Variants in AMMECR1 observed in about 807,000 individuals in gnomAD.
AMMECR1 encodes the protein nuclear protein AMMECR1.
In AMMECR1, 3 loss-of-function variants were observed where a neutral mutation model predicts 22.5. The ratio of observed to expected loss-of-function variants is 0.13; its 90% confidence interval spans 0.06 to 0.35. The LOEUF (loss-of-function observed/expected upper bound fraction) is 0.35, where lower values mean the gene tolerates loss of function less well. AMMECR1 is among the 10% of genes least tolerant of loss of function. The probability of loss-of-function intolerance (pLI) is 1.00; values close to 1 mark genes in which losing one functional copy is unlikely to be tolerated. For missense variants in AMMECR1, 235 were observed against 278.7 expected (o/e 0.84, Z 1.12); for synonymous variants, 130 against 116.7 (o/e 1.11, Z -0.74).
chrX:110,237,802 T>C lies in AMMECR1; in HGVS notation c.585-21170A>G, dbSNP rs903405730. Among the ~76,000 whole-genome samples the C allele has an allele frequency of 1.6e-4, 18 of 111,999 alleles. 1 individual carries two copies. ...ATGCTTTCTGCAGACTTAACTTTCC[T>C]GGAAATAATTATCAATGATGGAAAA... On this transcript the variant is annotated intron_variant, in intron 2 of 5. Transcript: ENST00000262844.
Position 110,264,533 on chromosome X carries a change from A to C in AMMECR1, c.540T>G (p.Ser180=). 8.3e-7 allele frequency: 1 copy of C among 1,209,150 alleles called. No homozygotes were observed. Among genetic ancestry groups the C allele is most frequent in the East Asian group, 3.0e-5 (1 of 33,742 alleles). ...TGAGTCCTGAATGCAAATTCATGGC[A>C]GAAAAAGTACCTATGCATCCACGTA... ...KRLRGCIGTF[S]AMNLHSGLRE... The change falls in exon 2 of 6, where the codon TCT becomes TCG. Residue 180 remains serine (S), a synonymous_variant. Coordinates refer to ENST00000262844, the MANE Select transcript of AMMECR1 (RefSeq NM_015365.3).
chrX:110,304,415 C>G (rs2067983472), intron 1 of AMMECR1, among the ~76,000 whole-genome samples: 2 of 112,223 alleles, frequency 1.8e-5, no homozygotes, highest in Admixed American at 9.4e-5. Flanking sequence ...TATTTTTAAA[C>G]TACATAACTT....
upstream of AMMECR1, chrX:110,318,164 G>T: frequency 1.2e-6 from 1 of 840,570 alleles, no homozygotes; most frequent in Non-Finnish European, 1.5e-6. Flanking sequence ...GCCGCCGGGG[G>T]CGCGCCAGAG....
chrX:110,388,786 T>C (rs1008474609), intron 2 of AMMECR1, among the ~76,000 whole-genome samples: 1 of 111,702 alleles, frequency 9.0e-6, no homozygotes, highest in Non-Finnish European at 1.9e-5. Context: ...TAAGAACCAT[T>C]GCTCTGCCAA....
chrX:110,317,857 G>T lies in AMMECR1; in HGVS notation c.215C>A (p.Pro72His), dbSNP rs1391817245. ...GCCGCCGCCGCCGCAGCCCTGGGGG[G>T]GAGAGAGGGTACAGCCGCTGCCGCT... ...GGSGSGCTLS[P>H]PQGCGGGGGG... Residue 72 changes from proline (P) to histidine (H), a missense_variant, in exon 1 of 6, where the codon CCC (proline) becomes CAC (histidine). By Grantham distance (77) the Pro-to-His change is moderately conservative. Around this residue, in one of 2 missense-constraint regions of AMMECR1, gnomAD observed 124 missense variants for 97.0 expected, o/e 1.28. Transcript: ENST00000262844. 7 of 1,176,830 alleles carry T rather than the reference G, an allele frequency of 5.9e-6. No individual in the cohort carries two copies. The highest frequency in any genetic ancestry group is 8.0e-6 in the Non-Finnish European group (7 of 877,899).
chrX:110,416,484 G>A (rs971413581), intron 2 of AMMECR1, among the ~76,000 whole-genome samples: 5 of 111,268 alleles, frequency 4.5e-5, no homozygotes, highest in Admixed American at 1.9e-4. Context: ...GCACAGGGGT[G>A]TTGAATCACT....
intron 2 of AMMECR1, among the ~76,000 whole-genome samples, chrX:110,357,814 A>G (rs1291198234): frequency 9.0e-6 from 1 of 111,680 alleles, no homozygotes; most frequent in Non-Finnish European, 1.9e-5. Context: ...TGGGAAGCAG[A>G]GTGGTTATAC....
At chrX:110,241,734 G>A (rs971353571) in intron 2 of AMMECR1, among the ~76,000 whole-genome samples, 4 of 109,150 alleles carry the variant, frequency 3.7e-5, no homozygotes, top group African/African-American at 1.3e-4. Context: ...ACATCTAGCT[G>A]TAAAATAGGG....
chrX:110,226,135 A>G (rs1169840244), intron 2 of AMMECR1, among the ~76,000 whole-genome samples: 3 of 112,096 alleles, frequency 2.7e-5, no homozygotes, highest in Non-Finnish European at 3.8e-5. Context: ...TGGCACTATG[A>G]GCAAAAGCAG....
At chrX:110,431,716 T>A (rs1269615285) in intron 1 of AMMECR1, among the ~76,000 whole-genome samples, 2 of 111,765 alleles carry the variant, frequency 1.8e-5, no homozygotes, top group Non-Finnish European at 3.8e-5. Flanking sequence ...CTGGGGCGCA[T>A]ACAGCAGGCC....
At position 110,438,264 on chromosome X, in the gene AMMECR1, A is replaced by G. The variant is rs1202417957; in HGVS notation, c.-294+1626T>C. On this transcript the variant is annotated intron_variant, in intron 1 of 7. Transcript: ENST00000372057. ...CATTTTAACTGATGCCAAAGCCCTGAGTCAAAAGAATTATATACTTAAAAA... is the reference window on the plus strand; with the variant it reads ...CATTTTAACTGATGCCAAAGCCCTGGGTCAAAAGAATTATATACTTAAAAA... Among the ~76,000 whole-genome samples the G allele has an allele frequency of 2.7e-5, 3 of 111,679 alleles. No individual in the cohort carries two copies. In the East Asian group the frequency reaches 8.4e-4, roughly 31 times the overall value.
At position 110,425,980 on chromosome X, in the gene AMMECR1, G is replaced by GCA. The variant is rs72103134; in HGVS notation, c.-148+676_-148+677dup. Among the ~76,000 whole-genome samples the GCA allele has an allele frequency of 7.7e-4, 84 of 109,426 alleles. 2 individuals are homozygous for GCA. In the East Asian group the frequency reaches 0.013, roughly 17 times the overall value. Reference sequence around the variant, plus strand: ...TTATAAGTTTAGTGCGTGCGTGCGCGCACACACACACACACACAAACGCAC... The same window carrying GCA: ...TTATAAGTTTAGTGCGTGCGTGCGCGCACACACACACACACACACAAACGCAC... On this transcript the variant is annotated intron_variant, in intron 2 of 7. Transcript: ENST00000372057.
chrX:110,338,156 T>A (rs1420841986), intron 2 of AMMECR1, among the ~76,000 whole-genome samples: 1 of 112,154 alleles, frequency 8.9e-6, no homozygotes, highest in Non-Finnish European at 1.9e-5. Context: ...GTGATGGTTG[T>A]TTAACATGAT....
At chrX:110,337,285 G>T (rs1303213222) in intron 2 of AMMECR1, among the ~76,000 whole-genome samples, 1 of 111,961 alleles carries the variant, frequency 8.9e-6, no homozygotes, top group Non-Finnish European at 1.9e-5. Context: ...CACATAGTAG[G>T]TGCTCAAAAT....
chrX:110,238,963 T>C (rs764100463), intron 2 of AMMECR1, among the ~76,000 whole-genome samples: 7 of 111,914 alleles, frequency 6.3e-5, no homozygotes, highest in Non-Finnish European at 7.5e-5. Flanking sequence ...GGGGCCTGAC[T>C]GTTAAAAGGA....
intron 2 of AMMECR1, among the ~76,000 whole-genome samples, chrX:110,408,839 T>C (rs745999576): frequency 7.1e-5 from 8 of 112,908 alleles, no homozygotes; most frequent in African/African-American, 1.3e-4. Context: ...TAGTGTTTTA[T>C]TATGTATTGC....
intron 3 of AMMECR1, among the ~76,000 whole-genome samples, chrX:110,208,947 G>A (rs2067434025): frequency 9.0e-6 from 1 of 111,420 alleles, no homozygotes; most frequent in African/African-American, 3.3e-5. Flanking sequence ...AATAAAAAGC[G>A]TGCTTTCTAT....
intron 2 of AMMECR1, among the ~76,000 whole-genome samples, chrX:110,426,485 A>G (rs974392835): frequency 2.7e-5 from 3 of 111,939 alleles, no homozygotes; most frequent in Non-Finnish European, 5.6e-5. Context: ...ATCTATGTAG[A>G]ATGAATTATT....
chrX:110,414,251 C>G (rs1381231946), intron 2 of AMMECR1, among the ~76,000 whole-genome samples: 1 of 112,252 alleles, frequency 8.9e-6, no homozygotes, highest in Non-Finnish European at 1.9e-5. Context: ...TCAGCGGGGC[C>G]CTCAACTCAG....
Sources: allele counts gnomAD v4.1 joint callset (sites outside exome capture counted in the v4.1 genomes callset), GRCh38; gene constraint gnomAD v4.1.1; regional missense constraint gnomAD v4.1.1; transcripts MANE v1.5; gene names NCBI Gene and HGNC (gene_info 2026-07-23, HGNC 2026-07-21).